The following SNTG1 variants were observed in gnomAD, a reference collection of about 807,000 sequenced individuals.
The protein encoded by SNTG1 is gamma-1-syntrophin.
A neutral mutation model predicts 74.7 loss-of-function variants in SNTG1; 39 were observed. That is an observed-to-expected ratio of 0.52 (90% confidence interval 0.40 to 0.68). The LOEUF is 0.68. Ranked by LOEUF, SNTG1 falls within the 30% of genes least tolerant of loss-of-function variation. The pLI, the probability that SNTG1 is intolerant of heterozygous loss-of-function variation, is 0.00. For missense variants in SNTG1, 685 were observed against 609.5 expected (o/e 1.12, Z -1.30); for synonymous variants, 254 against 217.1 (o/e 1.17, Z -1.49).
intron 2 of SNTG1, among the ~76,000 whole-genome samples, chr8:50,386,916 G>T (rs2092583916): frequency 2.0e-5 from 3 of 152,110 alleles, no homozygotes; most frequent in South Asian, 2.1e-4. Context: ...CATGCAAGGG[G>T]CTCTGGTTCT....
chr8:50,405,453 GGTAA>G (rs1219196773), intron 4 of SNTG1, among the ~76,000 whole-genome samples: 2 of 151,884 alleles, frequency 1.3e-5, no homozygotes, highest in Non-Finnish European at 2.9e-5. Context: ...GTCCTCTTTG[GGTAA>G]GTGTCTATTC....
chr8:50,011,413 T>C (rs1487610210), intron 1 of SNTG1, among the ~76,000 whole-genome samples: 1 of 152,190 alleles, frequency 6.6e-6, no homozygotes, highest in East Asian at 1.9e-4. Flanking sequence ...TTCCATATTT[T>C]TAAGCACAAA....
chr8:50,436,592 T>G (rs1425953253), intron 4 of SNTG1, among the ~76,000 whole-genome samples: 4 of 152,166 alleles, frequency 2.6e-5, no homozygotes, highest in African/African-American at 9.7e-5. Flanking sequence ...CAGAGGCTTA[T>G]AAGTAATTTG....
chr8:50,363,099 G>T (rs566498215), intron 2 of SNTG1, among the ~76,000 whole-genome samples: 1 of 152,152 alleles, frequency 6.6e-6, no homozygotes, highest in Admixed American at 6.5e-5. Flanking sequence ...GCTAAATAAT[G>T]GTCTTTTTTT....
intron 13 of SNTG1, among the ~76,000 whole-genome samples, chr8:50,639,295 C>A (rs1465846950): frequency 6.6e-6 from 1 of 150,754 alleles, no homozygotes; most frequent in Non-Finnish European, 1.5e-5. Context: ...TTGGCTTTTA[C>A]CAGAATAGGA....
Position 50,597,276 on chromosome 8 carries a change from T to C in SNTG1, c.849+6359T>C, listed in dbSNP as rs545915968. Among the ~76,000 whole-genome samples the C allele has an allele frequency of 2.0e-5, 3 of 150,846 alleles. No individual in the cohort carries two copies. The East Asian group carries it at 5.8e-4, about 29-fold the overall frequency. ...TTCCCTTGTATAGCTGCAGAGAATATATACATATATATATACACACACATA... is the reference window on the plus strand; with the variant it reads ...TTCCCTTGTATAGCTGCAGAGAATACATACATATATATATACACACACATA... On this transcript the variant is annotated intron_variant, in intron 13 of 18. Transcript: ENST00000642720.
intron 12 of SNTG1, among the ~76,000 whole-genome samples, chr8:50,587,129 C>A (rs1585767692): frequency 6.6e-6 from 1 of 151,122 alleles, no homozygotes; most frequent in African/African-American, 2.4e-5. Flanking sequence ...AATTATCAAT[C>A]TTTGTGCATG....
At chr8:50,178,809 C>A (rs147298429) in intron 2 of SNTG1, among the ~76,000 whole-genome samples, 62 of 152,312 alleles carry the variant, frequency 4.1e-4, no homozygotes, top group African/African-American at 1.4e-3. Context: ...GCCAAAAAGA[C>A]ACACTTTCCC....
At chr8:50,321,482 A>T (rs535161053) in intron 2 of SNTG1, among the ~76,000 whole-genome samples, 1 of 152,058 alleles carries the variant, frequency 6.6e-6, no homozygotes, top group South Asian at 2.1e-4. Context: ...CTTTTTATTC[A>T]TTTAGCCACT....
intron 4 of SNTG1, among the ~76,000 whole-genome samples, chr8:50,414,051 A>C: frequency 6.6e-6 from 1 of 152,106 alleles, no homozygotes; most frequent in Admixed American, 6.6e-5. Flanking sequence ...GTCTGTATAG[A>C]TCTGACTCTG....
chr8:50,486,359 C>T (rs1228115348), intron 8 of SNTG1, among the ~76,000 whole-genome samples: 1 of 145,160 alleles, frequency 6.9e-6, no homozygotes, highest in Non-Finnish European at 1.5e-5. Flanking sequence ...TGAAGAGGTC[C>T]TTCACATCCC....
At chr8:50,336,563 A>G (rs1031063527) in intron 2 of SNTG1, among the ~76,000 whole-genome samples, 1 of 152,216 alleles carries the variant, frequency 6.6e-6, no homozygotes, top group Non-Finnish European at 1.5e-5. Flanking sequence ...CAAATGAAAC[A>G]TAGTTATAGT....
chr8:50,238,871 GAAC>G (rs1014806336), intron 2 of SNTG1, among the ~76,000 whole-genome samples: 2 of 151,948 alleles, frequency 1.3e-5, no homozygotes, highest in African/African-American at 4.8e-5. Flanking sequence ...AAATACACAT[GAAC>G]AACAAGCATA....
intron 15 of SNTG1, among the ~76,000 whole-genome samples, chr8:50,672,838 T>G (rs2095291263): frequency 6.6e-6 from 1 of 152,184 alleles, no homozygotes; most frequent in Non-Finnish European, 1.5e-5. Context: ...TTTAAGTGTT[T>G]AATCTATATT....
intron 2 of SNTG1, among the ~76,000 whole-genome samples, chr8:50,294,663 G>A (rs928032960): frequency 6.6e-6 from 1 of 152,160 alleles, no homozygotes; most frequent in Non-Finnish European, 1.5e-5. Context: ...TGGCAAATCT[G>A]CTTTCCCCAG....
intron 2 of SNTG1, among the ~76,000 whole-genome samples, chr8:50,217,351 C>G (rs1004433983): frequency 6.6e-6 from 1 of 152,038 alleles, no homozygotes; most frequent in Non-Finnish European, 1.5e-5. Flanking sequence ...ACTGGGAAGA[C>G]AGCCCAAAGG....
At chr8:50,789,939 C>A (rs370555327) in intron 18 of SNTG1, among the ~76,000 whole-genome samples, 1 of 152,064 alleles carries the variant, frequency 6.6e-6, no homozygotes. Flanking sequence ...CACAAAATAA[C>A]CCTTGCTTTT....
At chr8:50,782,531 C>A (rs539587297) in intron 18 of SNTG1, among the ~76,000 whole-genome samples, 1 of 152,272 alleles carries the variant, frequency 6.6e-6, no homozygotes, top group African/African-American at 2.4e-5. Flanking sequence ...TCACATAGTT[C>A]TTGAGCCTTG....
chr8:50,740,044 T>C (rs2095539201), intron 17 of SNTG1, among the ~76,000 whole-genome samples: 1 of 152,068 alleles, frequency 6.6e-6, no homozygotes, highest in Non-Finnish European at 1.5e-5. Context: ...GGCAATACCA[T>C]TCTAGACATA....
Sources: allele counts gnomAD v4.1 joint callset (sites outside exome capture counted in the v4.1 genomes callset), GRCh38; gene constraint gnomAD v4.1.1; transcripts MANE v1.5; gene names NCBI Gene and HGNC (gene_info 2026-07-23, HGNC 2026-07-21).